The following ZNF362 variants were observed in gnomAD, a reference collection of about 807,000 sequenced individuals.
The protein encoded by ZNF362 is rotund homolog.
ZNF362 carries 11 observed loss-of-function variants against 42.9 expected under a neutral mutation model. That is an observed-to-expected ratio of 0.26 (90% CI 0.16 to 0.42). The LOEUF is 0.42. ZNF362 is among the 20% of genes least tolerant of loss of function. The pLI is 1.00. For synonymous variants in ZNF362, 255 were observed against 257.3 expected, an observed-to-expected ratio of 0.99 and a Z score of 0.09; for missense variants, 362 against 576.2, an observed-to-expected ratio of 0.63 and a Z score of 3.81.
chr1:33,227,236 C>G, the ZNF362 span, among the ~76,000 whole-genome samples: 1 of 152,080 alleles, frequency 6.6e-6, no homozygotes, highest in Non-Finnish European at 1.5e-5. Flanking sequence ...GCTACAAATC[C>G]TTTGAAGCTC....
chr1:33,189,174 G>A, the ZNF362 span, among the ~76,000 whole-genome samples: 6 of 152,106 alleles, frequency 3.9e-5, no homozygotes, highest in South Asian at 2.1e-4. Flanking sequence ...GTGCACTTTT[G>A]TTTTCCACCA....
the ZNF362 span, among the ~76,000 whole-genome samples, chr1:33,158,846 C>T: frequency 2.0e-4 from 29 of 145,624 alleles, no homozygotes; most frequent in Admixed American, 5.5e-4. Context: ...TCTTTTTTTT[C>T]TTTTTTTTTT....
the ZNF362 span, among the ~76,000 whole-genome samples, chr1:33,190,530 A>T: frequency 1.0e-3 from 156 of 152,328 alleles, 1 homozygote; most frequent in Non-Finnish European, 1.6e-3. Context: ...TTATTGCTCC[A>T]GTGAAGGTGT....
intron 1 of ZNF362, among the ~76,000 whole-genome samples, chr1:33,269,992 G>A (rs553381589): frequency 6.4e-4 from 98 of 152,270 alleles, no homozygotes; most frequent in African/African-American, 2.2e-3. Flanking sequence ...AAACAGACCC[G>A]GTTTCAAGTT....
At chr1:33,296,199 A>T (rs1646122404) in intron 8 of ZNF362, among the ~76,000 whole-genome samples, 1 of 152,152 alleles carries the variant, frequency 6.6e-6, no homozygotes, top group African/African-American at 2.4e-5. Context: ...GGACCTTTCC[A>T]CTGTGGGCGC....
At chr1:33,215,812 G>A in the ZNF362 span, among the ~76,000 whole-genome samples, 1 of 151,764 alleles carries the variant, frequency 6.6e-6, no homozygotes, top group Non-Finnish European at 1.5e-5. Flanking sequence ...GCTGATGCTT[G>A]TAATGTTTTC....
rs558997026 is a variant in ZNF362, at chr1:33,295,323, T to C, written c.1146+18T>C. 4.3e-6 allele frequency: 7 copies of C among 1,611,402 alleles called. No homozygotes were observed. The Admixed American group carries it at 1.0e-4, about 23-fold the overall frequency. ...ACACCTCGGTGAGTGCCGGTCGGCC[T>C]GTGCCCTGCCCCGGGGGAGCCACTT... is the stretch of plus-strand genomic sequence containing the variant. On this transcript the variant is annotated intron_variant, in intron 8 of 8. Coordinates refer to ENST00000539719, the MANE Select transcript of ZNF362 (RefSeq NM_152493.3).
At chr1:33,147,047 C>T in the ZNF362 span, 4 of 927,158 alleles carry the variant, frequency 4.3e-6, no homozygotes, top group African/African-American at 6.7e-5. This position sits in a 1 kb window ranked among gnomAD's most constrained non-coding sequence, Gnocchi z 8.1. Context: ...AGACTGGAGG[C>T]TGGAGGGTAA....
the ZNF362 span, chr1:33,163,488 A>G: frequency 6.6e-6 from 1 of 152,256 alleles, no homozygotes; most frequent in African/African-American, 2.4e-5. Flanking sequence ...AGCACAGAGA[A>G]AAGTTCTGCT....
At chr1:33,165,452 G>A in the ZNF362 span, 10 of 1,567,486 alleles carry the variant, frequency 6.4e-6, no homozygotes, top group African/African-American at 2.7e-5. This position sits in a 1 kb window ranked among gnomAD's most constrained non-coding sequence, Gnocchi z 4.0. Flanking sequence ...CCCCACCTCC[G>A]CGCCCCGGCC....
chr1:33,229,374 C>T, the ZNF362 span, among the ~76,000 whole-genome samples: 1 of 151,030 alleles, frequency 6.6e-6, no homozygotes, highest in African/African-American at 2.4e-5. Context: ...TCACTTATGT[C>T]CAATCAGTCA....
At chr1:33,184,720 A>T in the ZNF362 span, among the ~76,000 whole-genome samples, 1 of 152,124 alleles carries the variant, frequency 6.6e-6, no homozygotes, top group Non-Finnish European at 1.5e-5. Context: ...TCTAAGAGCC[A>T]TTGTATTTTG....
At chr1:33,286,992 G>A (rs1309076055) in intron 6 of ZNF362, among the ~76,000 whole-genome samples, 2 of 152,180 alleles carry the variant, frequency 1.3e-5, no homozygotes, top group Admixed American at 6.5e-5. Flanking sequence ...GAGCATGGTC[G>A]GAGTGAGGCG....
At chr1:33,160,593 T>C in the ZNF362 span, among the ~76,000 whole-genome samples, 1 of 151,910 alleles carries the variant, frequency 6.6e-6, no homozygotes, top group Admixed American at 6.6e-5. Flanking sequence ...TTAGTAGAGA[T>C]GGGGTTTCAC....
the ZNF362 span, among the ~76,000 whole-genome samples, chr1:33,167,713 C>G: frequency 6.6e-6 from 1 of 152,210 alleles, no homozygotes; most frequent in Non-Finnish European, 1.5e-5. This position sits in a 1 kb window ranked among gnomAD's most constrained non-coding sequence, Gnocchi z 4.2. Flanking sequence ...ACATCCACCT[C>G]CCTCCCACTC....
the ZNF362 span, chr1:33,195,260 T>C: frequency 6.6e-6 from 1 of 152,226 alleles, no homozygotes; most frequent in Non-Finnish European, 1.5e-5. Context: ...CTCAGACTTT[T>C]GCTCAAAGAA....
intron 6 of ZNF362, chr1:33,282,042 C>G: frequency 3.5e-6 from 2 of 566,622 alleles, no homozygotes; most frequent in East Asian, 5.8e-5. Context: ...GAGAGACACC[C>G]CTCTCCCGCT....
the ZNF362 span, chr1:33,165,820 C>T: frequency 2.7e-5 from 9 of 333,738 alleles, no homozygotes; most frequent in South Asian, 4.8e-4. The surrounding 1 kb of genome is among the most constrained non-coding windows in gnomAD (Gnocchi z 4.0). Flanking sequence ...GCTTCTGTGA[C>T]AATCGACTTC....
intron 6 of ZNF362, among the ~76,000 whole-genome samples, chr1:33,290,599 A>C (rs1479405536): frequency 1.3e-5 from 2 of 151,940 alleles, no homozygotes; most frequent in African/African-American, 4.8e-5. Context: ...TGGCTGGGTC[A>C]AATGGTATTT....
Sources: gnomAD v4.1 joint callset for allele counts (sites outside exome capture counted in the v4.1 genomes callset) on GRCh38, gnomAD v4.1.1 for gene constraint, Gnocchi (gnomAD v3.1) non-coding constraint, MANE v1.5 for transcripts, NCBI Gene and HGNC (gene_info 2026-07-23, HGNC 2026-07-21) for gene names.